RPS6: variants seen among roughly 807,000 people sequenced by gnomAD.
The protein encoded by RPS6 is ribosomal protein S6, also known as small ribosomal subunit protein eS6.
RPS6 carries 1 observed loss-of-function variant against 27.1 expected under a neutral mutation model. The ratio of observed to expected loss-of-function variants is 0.04; its 90% CI spans 0.01 to 0.18. The LOEUF is 0.18. Among genes scored for constraint, RPS6 ranks in the 10% least tolerant of loss-of-function variants. The pLI, the probability that RPS6 is intolerant of heterozygous loss-of-function variation, is 1.00. For missense variants in RPS6, 259 were observed against 319.1 expected, an observed-to-expected ratio of 0.81 and a Z score of 1.44; for synonymous variants, 152 against 106.0, an observed-to-expected ratio of 1.43 and a Z score of -2.66.
Position 19,376,096 on chromosome 9 carries a change from A to G in RPS6, c.*197T>C, listed in dbSNP as rs540173060. 1.1e-4 allele frequency: 55 copies of G among 488,920 alleles called. No individual in the cohort carries two copies. The highest frequency in any genetic ancestry group is 1.9e-4 in the Admixed American group (5 of 26,516). The allele number at this position is 488,920 out of a possible 1,614,324, so 30.3% of individuals were successfully genotyped here. A position where few individuals can be genotyped will look rare whatever the true frequency, so the allele number is the denominator to read the frequency against. On this transcript the variant is annotated 3_prime_UTR_variant, in exon 6 of 6. Coordinates refer to ENST00000380394, the MANE Select transcript of RPS6 (RefSeq NM_001010.3). ...CCTGTGCCACCCATCCCCTGAAAGG[A>G]ACCCCTGTACACTGACCTTGTCTTC...
chr9:19,377,110 T>TA (rs1432405406), intron 4 of RPS6, among the ~76,000 whole-genome samples: 1 of 150,838 alleles, frequency 6.6e-6, no homozygotes, highest in East Asian at 1.9e-4. Context: ...GGCATGTTGT[T>TA]AAAGTATCTT....
chr9:19,379,161 G>A (rs944745670), intron 2 of RPS6: 17 of 824,486 alleles, frequency 2.1e-5, no homozygotes, highest in Non-Finnish European at 2.9e-5. Context: ...ACAGCACTAA[G>A]AAGATAAAAT....
chr9:19,376,814 C>G (rs1589012405), intron 4 of RPS6, 163 bp from the exon 5 acceptor site: 1 of 552,228 alleles, frequency 1.8e-6, no homozygotes, highest in East Asian at 3.2e-5. Flanking sequence ...TTTTGCCCCT[C>G]CACAGAAATC....
chr9:19,376,086 C>A lies in RPS6; in HGVS notation c.*207G>T, dbSNP rs551722797. ...AGAATCCCTTCCTGTGCCACCCATC[C>A]CCTGAAAGGAACCCCTGTACACTGA... On this transcript the variant is annotated 3_prime_UTR_variant, in exon 6 of 6. Coordinates refer to ENST00000380394, the MANE Select transcript of RPS6 (RefSeq NM_001010.3). The A allele has an allele frequency of 1.3e-5, 6 of 472,508 alleles. No homozygotes were observed. Among genetic ancestry groups the A allele is most frequent in the Non-Finnish European group, 2.2e-5 (6 of 267,800 alleles). The allele number at this position is 472,508 out of a possible 1,614,324, so 29.3% of individuals were successfully genotyped here. A position where few individuals can be genotyped will look rare whatever the true frequency, so the allele number is the denominator to read the frequency against.
chr9:19,377,607 C>G (rs1434021914), intron 4 of RPS6, among the ~76,000 whole-genome samples: 2 of 152,194 alleles, frequency 1.3e-5, no homozygotes, highest in South Asian at 4.1e-4. Context: ...CCAACCTTGA[C>G]TGACATGCTG....
At chr9:19,379,120 C>G (rs959657072) in intron 2 of RPS6, 9 of 761,458 alleles carry the variant, frequency 1.2e-5, no homozygotes, top group Non-Finnish European at 1.4e-5. Flanking sequence ...TCTTTCAAGT[C>G]GCATTTCTAA....
Position 19,376,179 on chromosome 9 carries a change from T to C in RPS6, c.*114A>G, listed in dbSNP as rs1829582202. On this transcript the variant is annotated 3_prime_UTR_variant, in exon 6 of 6. Coordinates refer to ENST00000380394, the MANE Select transcript of RPS6 (RefSeq NM_001010.3). ...ACCATTGGAATACCATATATACATA[T>C]CCCCATTTTCTATGACCTAACTTTC... The C allele has an allele frequency of 3.5e-6, 3 of 850,462 alleles. No individual in the cohort carries two copies. Among genetic ancestry groups the C allele is most frequent in the Admixed American group, 2.4e-5 (1 of 41,776 alleles). The allele number at this position is 850,462 out of a possible 1,614,324, so 52.7% of individuals were successfully genotyped here. A position where few individuals can be genotyped will look rare whatever the true frequency, so the allele number is the denominator to read the frequency against.
At chr9:19,379,815 GT>G in intron 1 of RPS6, 197 bp from the exon 2 acceptor site, 1 of 1,429,338 alleles carries the variant, frequency 7.0e-7, no homozygotes, top group African/African-American at 1.4e-5. Context: ...TCAGCAGGAC[GT>G]TTTCCCCTCA....
intron 4 of RPS6, among the ~76,000 whole-genome samples, chr9:19,377,647 A>G (rs959942996): frequency 2.6e-5 from 4 of 152,216 alleles, no homozygotes; most frequent in African/African-American, 9.6e-5. Flanking sequence ...CCCAAATTTC[A>G]CCACAGAAAT....
rs1035218830 is a variant in RPS6 at position 19,376,088 on chromosome 9, C to G, written c.*205G>C. ...AATCCCTTCCTGTGCCACCCATCCC[C>G]TGAAAGGAACCCCTGTACACTGACC... On this transcript the variant is annotated 3_prime_UTR_variant, in exon 6 of 6. Coordinates refer to ENST00000380394, the MANE Select transcript of RPS6 (RefSeq NM_001010.3). 2.9e-5 allele frequency: 14 copies of G among 478,014 alleles called. No homozygotes were observed. Among genetic ancestry groups the G allele is most frequent in the Middle Eastern group, 5.7e-4 (1 of 1,740 alleles). The allele number at this position is 478,014 out of a possible 1,614,324, so 29.6% of individuals were successfully genotyped here. A position where few individuals can be genotyped will look rare whatever the true frequency, so the allele number is the denominator to read the frequency against.
rs914836359 is a variant in RPS6 at position 19,375,985 on chromosome 9, ATATAAAAAAGATTAATAGTCCTCAT to A, written c.*283_*307del. 1 of 213,738 alleles carries A rather than the reference ATATAAAAAAGATTAATAGTCCTCAT, an allele frequency of 4.7e-6. No individual in the cohort carries two copies. The highest frequency in any genetic ancestry group is 2.3e-5 in the African/African-American group (1 of 43,728). 13.2% of individuals were successfully genotyped at this position (213,738 alleles called of 1,614,324 possible). ...GAGCTATATTCCTCAAAAATAAACT[ATATAAAAAAGATTAATAGTCCTCAT>A]CATTTCCCCTAAGTTCCATGCCATT... On this transcript the variant is annotated 3_prime_UTR_variant, in exon 6 of 6. Transcript: ENST00000380394.
intron 2 of RPS6, 180 bp downstream of exon 2, chr9:19,379,307 G>T: frequency 6.7e-7 from 1 of 1,486,766 alleles, no homozygotes; most frequent in Non-Finnish European, 8.9e-7. Context: ...TATATTTTAT[G>T]GCTTACTCTA....
In RPS6 at chr9:19,378,527, A is replaced by G. The variant is rs1331869748; in HGVS notation, c.350-13T>C. ...ATATCCTTCTCTCCTTAGAAGAAAC[A>G]GTTGAAGAGATTTTAATTCAACAAC... On this transcript the variant is annotated splice_polypyrimidine_tract_variant and intron_variant, in intron 3 of 5. Coordinates refer to ENST00000380394, the MANE Select transcript of RPS6 (RefSeq NM_001010.3). 6 of 1,606,834 alleles carry G rather than the reference A, an allele frequency of 3.7e-6. No homozygotes were observed. The African/African-American group carries it at 5.4e-5, about 14-fold the overall frequency.
Position 19,378,816 on chromosome 9 carries a change from G to T in RPS6, c.241C>A (p.His81Asn). The T allele has an allele frequency of 1.2e-6, 2 of 1,614,060 alleles. No homozygotes were observed. The highest frequency in any genetic ancestry group is 1.7e-6 in the Non-Finnish European group (2 of 1,179,976). Residue 81 changes from histidine (H) to asparagine (N), a missense_variant, in exon 3 of 6, where the codon CAT becomes AAT. By Grantham distance (68) the His-to-Asn change is moderately conservative. Coordinates refer to ENST00000380394, the MANE Select transcript of RPS6 (RefSeq NM_001010.3). ...GTTCTCCTTGGTCTGTAACAGGAAT[G>T]CCCCTTACTCAGTAGCAGGCGGACA... ...GRVRLLLSKG[H>N]SCYRPRRTGE... is the part of the protein sequence containing the mutation.
intron 2 of RPS6, 27 bp downstream of exon 2, chr9:19,379,460 T>C (rs2132428551): frequency 6.2e-7 from 1 of 1,613,886 alleles, no homozygotes; most frequent in Non-Finnish European, 8.5e-7. Context: ...CTGACTTAAA[T>C]ACCTGCAACA....
rs992506613 is a variant in RPS6, at chr9:19,378,375, A to T, written c.489T>A (p.Asn163Lys). ...TTGCATAATCCCTCCTACCTTCTTT[A>T]TTTAAGGGCTTTCTTACAACATACT... is the stretch of plus-strand genomic sequence containing the variant. Reference protein sequence around the residue: ...VRQYVVRKPLNKEGKKPRTKA... With the variant: ...VRQYVVRKPLKKEGKKPRTKA... The change falls in exon 4 of 6, where the codon AAT (asparagine) becomes AAA (lysine). Residue 163 changes from asparagine to lysine, a missense_variant. By Grantham distance (94) the Asn-to-Lys change is moderately conservative. Transcript: ENST00000380394. 6.2e-7 allele frequency: 1 copy of T among 1,612,242 alleles called. No homozygotes were observed. The highest frequency in any genetic ancestry group is 8.5e-7 in the Non-Finnish European group (1 of 1,179,906).
chr9:19,379,456 T>TA (rs1162370287), intron 2 of RPS6, 31 bp downstream of exon 2: 5 of 1,613,536 alleles, frequency 3.1e-6, no homozygotes, highest in Non-Finnish European at 4.2e-6. Flanking sequence ...GTCTCTGACT[T>TA]AAATACCTGC....
In RPS6 at chr9:19,379,899, T is replaced by C. The variant is rs528382457; in HGVS notation, c.7-281A>G. On this transcript the variant is annotated intron_variant, in intron 1 of 5. Transcript: ENST00000380394. ...CCCTCCCGAAGCAAGAAAGCCGGGG[T>C]CAAGAGCCGCACCACAGGCCTGCCG... 1,245 of 1,422,860 alleles carry C rather than the reference T, an allele frequency of 8.7e-4. 9 individuals are homozygous for C. The African/African-American group carries it at 0.016, about 18-fold the overall frequency. 88.1% of individuals were successfully genotyped at this position (1,422,860 alleles called of 1,614,324 possible). A position where few individuals can be genotyped will look rare whatever the true frequency, so the allele number is the denominator to read the frequency against.
Position 19,376,641 on chromosome 9 carries a change from A to G in RPS6, c.507T>C (p.Pro169=), listed in dbSNP as rs1219779576. Residue 169 remains proline, a synonymous_variant, in exon 5 of 6, where the codon CCT becomes CCC. Coordinates refer to ENST00000380394, the MANE Select transcript of RPS6 (RefSeq NM_001010.3). The stretch of plus-strand genomic sequence containing the variant: ...GCTGAATCTTGGGTGCTTTGGTCCT[A>G]GGTTTCTTACCTAAAAATTCAAAGG... ...RKPLNKEGKK[P]RTKAPKIQRL... 6.2e-7 allele frequency: 1 copy of G among 1,606,684 alleles called. No individual in the cohort carries two copies. The highest frequency in any genetic ancestry group is 8.5e-7 in the Non-Finnish European group (1 of 1,178,268).
Sources: gnomAD v4.1 joint callset for allele counts (sites outside exome capture counted in the v4.1 genomes callset) on GRCh38, gnomAD v4.1.1 for gene constraint, MANE v1.5 for transcripts, NCBI Gene and HGNC (gene_info 2026-07-23, HGNC 2026-07-21) for gene names.